The following ABCA4 variants were observed in gnomAD, a reference collection of about 807,000 sequenced individuals.
The protein encoded by ABCA4 is ATP binding cassette subfamily A member 4.
ABCA4 carries 196 observed loss-of-function variants against 263.7 expected under a neutral mutation model. That is an observed-to-expected ratio of 0.74 (90% CI 0.66 to 0.84). The LOEUF (loss-of-function observed/expected upper bound fraction) is 0.84, where lower values mean the gene tolerates loss of function less well. Ranked by LOEUF, ABCA4 falls within the 40% of genes least tolerant of loss-of-function variation. ABCA4 has a pLI of 0.00. For synonymous variants in ABCA4, 1,133 were observed against 1,094.2 expected (o/e 1.04, Z -0.70); for missense variants, 2,792 against 2,855.1 (o/e 0.98, Z 0.50).
intron 47 of ABCA4, among the ~76,000 whole-genome samples, chr1:93,998,466 G>T (rs569825476): frequency 6.6e-6 from 1 of 152,184 alleles, no homozygotes; most frequent in East Asian, 1.9e-4. Flanking sequence ...GGGTGACAGA[G>T]TGAGACCCTG....
intron 19 of ABCA4, among the ~76,000 whole-genome samples, chr1:94,046,472 A>AAAAAAG (rs1553191034): frequency 2.2e-4 from 33 of 148,724 alleles, no homozygotes; most frequent in Non-Finnish European, 3.7e-4. Flanking sequence ...AAAAAAAAAA[A>AAAAAAG]AAAAGAAAAG....
intron 11 of ABCA4, among the ~76,000 whole-genome samples, chr1:94,064,216 C>G (rs1661206810): frequency 6.6e-6 from 1 of 152,136 alleles, no homozygotes; most frequent in Admixed American, 6.5e-5. Flanking sequence ...CTGGTCGACT[C>G]TAGGAATACA....
At chr1:94,062,990 AT>A (rs1661172985) in intron 12 of ABCA4, 121 bp downstream of exon 12, 23 of 1,135,424 alleles carry the variant, frequency 2.0e-5, no homozygotes, top group Non-Finnish European at 3.0e-5. Flanking sequence ...AAAATATCTT[AT>A]TTTTTCTTAT....
intron 6 of ABCA4, among the ~76,000 whole-genome samples, chr1:94,084,348 C>T (rs1380475071): frequency 6.6e-6 from 1 of 152,232 alleles, no homozygotes; most frequent in African/African-American, 2.4e-5. Flanking sequence ...TTGTAATTCT[C>T]ATCCAAGTAT....
chr1:93,997,945 C>T lies in ABCA4; in HGVS notation c.6645G>A (p.Leu2215=). The change falls in exon 48 of 50, where the codon CTG becomes CTA. Residue 2215 remains leucine, a synonymous_variant. Coordinates refer to ENST00000370225, the MANE Select transcript of ABCA4 (RefSeq NM_000350.3). ...AGAGGAGGAGCTGGAAGATCCTCGCCAGGGAGGAGGAGGAGACCTGGAACT... is the reference window on the plus strand; with the variant it reads ...AGAGGAGGAGCTGGAAGATCCTCGCTAGGGAGGAGGAGGAGACCTGGAACT... ...MLQFQVSSSS[L]ARIFQLLLSH... 2 of 1,614,046 alleles carry T rather than the reference C, an allele frequency of 1.2e-6. No homozygotes were observed. Among genetic ancestry groups the T allele is most frequent in the South Asian group, 1.1e-5 (1 of 91,070 alleles).
At chr1:94,028,164 C>T (rs994453885) in intron 30 of ABCA4, among the ~76,000 whole-genome samples, 1 of 152,172 alleles carries the variant, frequency 6.6e-6, no homozygotes, top group Non-Finnish European at 1.5e-5. Context: ...TGGGGCTCTC[C>T]GTGTCCCATA....
chr1:94,017,001 A>G (rs1420550356), intron 36 of ABCA4, among the ~76,000 whole-genome samples: 2 of 152,190 alleles, frequency 1.3e-5, no homozygotes, highest in East Asian at 1.9e-4. Context: ...AGCCAGCTTC[A>G]ACGGCCCCCC....
intron 11 of ABCA4, among the ~76,000 whole-genome samples, chr1:94,075,428 T>C (rs1226005425): frequency 6.6e-6 from 1 of 152,202 alleles, no homozygotes; most frequent in Non-Finnish European, 1.5e-5. Flanking sequence ...CGCTTAGTAG[T>C]TGCCTGCAGT....
At chr1:93,995,727 G>A (rs1242152310) in intron 49 of ABCA4, among the ~76,000 whole-genome samples, 1 of 152,228 alleles carries the variant, frequency 6.6e-6, no homozygotes, top group Non-Finnish European at 1.5e-5. Context: ...AGACATAGAT[G>A]TCAAGCACCC....
At chr1:94,113,883 TCCAGTGGCTGTGGCAGTCCACAC>T (rs1442788222) in intron 1 of ABCA4, among the ~76,000 whole-genome samples, 1 of 152,198 alleles carries the variant, frequency 6.6e-6, no homozygotes, top group African/African-American at 2.4e-5. Context: ...CAAAAGCAGA[TCCAGTGGCTGTGGCAGTCCACAC>T]CCTGTGGCAT....
chr1:94,084,190 C>T (rs954717426), intron 6 of ABCA4, among the ~76,000 whole-genome samples: 1 of 152,210 alleles, frequency 6.6e-6, no homozygotes, highest in African/African-American at 2.4e-5. Context: ...CTTCATGCTT[C>T]ATGTTTCAAA....
chr1:94,035,957 C>T (rs1383271676), intron 26 of ABCA4, among the ~76,000 whole-genome samples: 2 of 152,174 alleles, frequency 1.3e-5, no homozygotes, highest in South Asian at 2.1e-4. Flanking sequence ...GAATTTTGGT[C>T]CCCATGTTTT....
intron 6 of ABCA4, among the ~76,000 whole-genome samples, chr1:94,084,242 A>T (rs1661777492): frequency 6.6e-6 from 1 of 152,254 alleles, no homozygotes; most frequent in Admixed American, 6.5e-5. Context: ...TGTAGGACTG[A>T]GTTCTAAGTG....
intron 32 of ABCA4, among the ~76,000 whole-genome samples, chr1:94,022,797 T>C (rs1055552921): frequency 5.3e-5 from 8 of 152,176 alleles, no homozygotes; most frequent in Non-Finnish European, 8.8e-5. Flanking sequence ...CAGGTCCCTC[T>C]GGAGAGCAAT....
At chr1:94,045,864 G>A (rs1349111321) in intron 19 of ABCA4, 4 of 456,134 alleles carry the variant, frequency 8.8e-6, no homozygotes, top group Non-Finnish European at 1.8e-5. Context: ...TGCCCCCTGC[G>A]AGGTCCGTGT....
chr1:94,119,855 T>C (rs1231774552), intron 1 of ABCA4, among the ~76,000 whole-genome samples: 4 of 152,126 alleles, frequency 2.6e-5, no homozygotes, highest in African/African-American at 9.7e-5. Context: ...CTACATGAAC[T>C]TATTCTGAAC....
chr1:94,045,389 G>A (rs1660645622), intron 19 of ABCA4, among the ~76,000 whole-genome samples: 1 of 149,832 alleles, frequency 6.7e-6, no homozygotes, highest in South Asian at 2.1e-4. Flanking sequence ...GCTTAAATGA[G>A]TTAATACACT....
intron 5 of ABCA4, among the ~76,000 whole-genome samples, chr1:94,102,144 G>A (rs558793236): frequency 2.0e-5 from 3 of 152,300 alleles, no homozygotes; most frequent in African/African-American, 4.8e-5. Flanking sequence ...GAGGAGTAAG[G>A]GAGCTAAGGG....
chr1:94,030,480 G>A lies in ABCA4; in HGVS notation c.4300C>T (p.Leu1434Phe). 1 of 1,614,230 alleles carries A rather than the reference G, an allele frequency of 6.2e-7. No individual in the cohort carries two copies. The highest frequency in any genetic ancestry group is 8.5e-7 in the Non-Finnish European group (1 of 1,180,046). ...SEQFTVLADVLLNKPGFGNRC... is the reference protein window; with the variant it reads ...SEQFTVLADVFLNKPGFGNRC... ...TTGCCAAAGCCTGGCTTATTCAGGA[G>A]GACGTCTGCAAGTACCGTGAACTGC... The change falls in exon 29 of 50, where the codon CTC becomes TTC. Residue 1434 changes from leucine (L) to phenylalanine (F), a missense_variant. Transcript: ENST00000370225.
Sources: allele counts gnomAD v4.1 joint callset (sites outside exome capture counted in the v4.1 genomes callset), GRCh38; gene constraint gnomAD v4.1.1; transcripts MANE v1.5; gene names NCBI Gene and HGNC (gene_info 2026-07-23, HGNC 2026-07-21).